PCDH11X: variants seen among roughly 807,000 people sequenced by gnomAD.
PCDH11X encodes the protein protocadherin 11 X-linked.
Under a neutral mutation model 53.3 loss-of-function variants are expected in PCDH11X, and 18 were observed. That is an observed-to-expected ratio of 0.34 (90% CI 0.23 to 0.50). The LOEUF (loss-of-function observed/expected upper bound fraction) is 0.50. Ranked by LOEUF, PCDH11X falls within the 20% of genes least tolerant of loss-of-function variation. The pLI, the probability that PCDH11X is intolerant of heterozygous loss-of-function variation, is 0.98. For synonymous variants in PCDH11X, 279 were observed against 393.3 expected, an observed-to-expected ratio of 0.71 and a Z score of 3.44; for missense variants, 570 against 1,032.4, an observed-to-expected ratio of 0.55 and a Z score of 6.14.
chrX:91,823,356 T>C, intron 4 of PCDH11X, among the ~76,000 whole-genome samples: 1 of 110,868 alleles, frequency 9.0e-6, no homozygotes, highest in Non-Finnish European at 1.9e-5. Context: ...ATCTGGGTGC[T>C]CCTGTATTGG....
intron 7 of PCDH11X, among the ~76,000 whole-genome samples, chrX:92,220,753 T>C (rs761188423): frequency 3.7e-4 from 40 of 107,867 alleles, no homozygotes; most frequent in African/African-American, 1.3e-3. Flanking sequence ...TGCACAGGTA[T>C]GTTTATTGCG....
At chrX:92,313,568 C>T (rs749298575) in intron 8 of PCDH11X, among the ~76,000 whole-genome samples, 1 of 109,240 alleles carries the variant, frequency 9.2e-6, no homozygotes, top group African/African-American at 3.3e-5. Context: ...GTTTGTTGTG[C>T]AGGTTTATTA....
At chrX:92,575,944 T>TACACACACAC (rs1162998590) in intron 10 of PCDH11X, among the ~76,000 whole-genome samples, 1 of 19,919 alleles carries the variant, frequency 5.0e-5, no homozygotes, top group Non-Finnish European at 8.2e-5. Flanking sequence ...TATATATATA[T>TACACACACAC]ACACACACAC....
chrX:91,814,369 A>C (rs1419491671), intron 4 of PCDH11X, among the ~76,000 whole-genome samples: 1 of 110,856 alleles, frequency 9.0e-6, no homozygotes, highest in East Asian at 2.8e-4. Flanking sequence ...TTTGAAAAAA[A>C]ATTTTATTAC....
In PCDH11X at chrX:92,476,805, T is replaced by C. The variant is rs1403407149; in HGVS notation, c.3367+8483T>C. Among the ~76,000 whole-genome samples the C allele has an allele frequency of 4.7e-4, 23 of 48,908 alleles. 2 individuals are homozygous for C. Among genetic ancestry groups the C allele is most frequent in the Non-Finnish European group, 6.9e-4 (22 of 31,803 alleles). 42.5% of individuals were successfully genotyped at this position (48,908 alleles called of 115,157 possible). A position where few individuals can be genotyped will look rare whatever the true frequency, so the allele number is the denominator to read the frequency against. ...AGGACAACTTTTTAAGTTTAAGAAC[T>C]AAGTAACTGTGGTTCTTGCAGGCTT... On this transcript the variant is annotated intron_variant, in intron 10 of 10. Transcript: ENST00000682573.
intron 7 of PCDH11X, among the ~76,000 whole-genome samples, chrX:92,219,635 T>A (rs1211904954): frequency 1.0e-5 from 1 of 98,710 alleles, no homozygotes; most frequent in African/African-American, 3.7e-5. Flanking sequence ...AGGTAATTTA[T>A]AGATTCAATG....
At chrX:92,113,774 C>A (rs1216634106) in intron 6 of PCDH11X, 32 of 1,193,642 alleles carry the variant, frequency 2.7e-5, no homozygotes, top group Non-Finnish European at 2.2e-6. Context: ...CGAATGGGGT[C>A]CCTCATGAAC....
intron 6 of PCDH11X, among the ~76,000 whole-genome samples, chrX:92,096,669 C>A (rs2064142135): frequency 2.7e-5 from 3 of 110,381 alleles, no homozygotes; most frequent in African/African-American, 9.9e-5. Flanking sequence ...AGGCAGTAGG[C>A]AAGAGAGAAT....
At chrX:92,126,574 A>C (rs2064866175) in intron 6 of PCDH11X, among the ~76,000 whole-genome samples, 2 of 110,259 alleles carry the variant, frequency 1.8e-5, no homozygotes, top group South Asian at 7.6e-4. Flanking sequence ...ATGCCATTGC[A>C]CTCCAGTCTG....
intron 6 of PCDH11X, among the ~76,000 whole-genome samples, chrX:91,993,364 A>G (rs1335226262): frequency 1.8e-5 from 2 of 112,463 alleles, no homozygotes; most frequent in African/African-American, 6.4e-5. Flanking sequence ...TATATTACCT[A>G]GTGCTTTCAG....
At chrX:92,478,894 T>A (rs1480743441) in intron 10 of PCDH11X, among the ~76,000 whole-genome samples, 1 of 111,347 alleles carries the variant, frequency 9.0e-6, no homozygotes, top group Admixed American at 9.6e-5. Flanking sequence ...TAAGTACATT[T>A]GGTCCAGTGC....
chrX:92,517,456 G>A (rs1361500331), intron 10 of PCDH11X, among the ~76,000 whole-genome samples: 1 of 111,831 alleles, frequency 8.9e-6, no homozygotes, highest in Non-Finnish European at 1.9e-5. Flanking sequence ...AACATGGATT[G>A]CTTTATGCCC....
chrX:92,154,117 TGAG>T (rs1215459476), intron 6 of PCDH11X, among the ~76,000 whole-genome samples: 11 of 110,031 alleles, frequency 1.0e-4, no homozygotes, highest in Non-Finnish European at 1.1e-4. Context: ...TCTGCTGTGA[TGAG>T]GTGTGTATAT....
At chrX:92,613,042 G>A in intron 10 of PCDH11X, among the ~76,000 whole-genome samples, 1 of 109,975 alleles carries the variant, frequency 9.1e-6, no homozygotes. Flanking sequence ...AGACTGATAG[G>A]GCTTTTTTAT....
At chrX:91,939,385 G>A (rs768700787) in intron 6 of PCDH11X, among the ~76,000 whole-genome samples, 1 of 110,895 alleles carries the variant, frequency 9.0e-6, no homozygotes, top group South Asian at 3.8e-4. Context: ...TGTGGAACTA[G>A]AGTCTAAGAA....
At chrX:91,922,817 C>G (rs1174238704) in intron 6 of PCDH11X, among the ~76,000 whole-genome samples, 1 of 110,825 alleles carries the variant, frequency 9.0e-6, no homozygotes, top group African/African-American at 3.3e-5. Context: ...AATCTTAGGT[C>G]TCTATTATAA....
At chrX:91,817,029 A>G (rs959434490) in intron 4 of PCDH11X, among the ~76,000 whole-genome samples, 35 of 108,681 alleles carry the variant, frequency 3.2e-4, no homozygotes, top group Non-Finnish European at 6.1e-4. Flanking sequence ...CCAAACTCCT[A>G]TCGACCCTAC....
In PCDH11X at chrX:92,175,845, G is replaced by T. The variant is rs777335696; in HGVS notation, c.3034-25530G>T. On this transcript the variant is annotated intron_variant, in intron 6 of 10. Coordinates refer to ENST00000682573, the MANE Select transcript of PCDH11X (RefSeq NM_032968.5). Reference sequence around the variant, plus strand: ...AAAAATATACGTGTATTCCTTAGGCGTTCACCCACCTCTGTTATAACTAAA... The same window carrying T: ...AAAAATATACGTGTATTCCTTAGGCTTTCACCCACCTCTGTTATAACTAAA... Among the ~76,000 whole-genome samples the T allele has an allele frequency of 2.9e-5, 3 of 103,927 alleles. No individual in the cohort carries two copies. The Admixed American group carries it at 3.2e-4, about 11-fold the overall frequency. The allele number at this position is 103,927 out of a possible 115,157, so 90.2% of individuals were successfully genotyped here. A position where few individuals can be genotyped will look rare whatever the true frequency, so the allele number is the denominator to read the frequency against.
intron 9 of PCDH11X, among the ~76,000 whole-genome samples, chrX:92,461,401 T>G (rs1381120324): frequency 1.8e-5 from 2 of 109,741 alleles, no homozygotes; most frequent in African/African-American, 6.7e-5. Flanking sequence ...ACAAACAAAT[T>G]CACATACCTA....
Sources: allele counts gnomAD v4.1 joint callset (sites outside exome capture counted in the v4.1 genomes callset), GRCh38; gene constraint gnomAD v4.1.1; transcripts MANE v1.5; gene names NCBI Gene and HGNC (gene_info 2026-07-23, HGNC 2026-07-21).